The following ACTG1 variants were observed in gnomAD, a reference collection of about 807,000 sequenced individuals.
The protein encoded by ACTG1 is actin, cytoplasmic 2.
ACTG1 carries 14 observed loss-of-function variants against 34.3 expected under a neutral mutation model. The observed-to-expected ratio is 0.41, with a 90% CI of 0.27 to 0.64. The LOEUF is 0.64. ACTG1 is among the 30% of genes least tolerant of loss of function. The pLI is 0.33. For synonymous variants in ACTG1, 422 were observed against 213.9 expected (o/e 1.97, Z -8.49); for missense variants, 233 against 529.5 (o/e 0.44, Z 5.50).
Position 81,512,719 on chromosome 17 carries a change from G to T in ACTG1, c.-7+15C>A, listed in dbSNP as rs1317902785. 4.9e-6 allele frequency: 2 copies of T among 408,432 alleles called. No individual in the cohort carries two copies. The highest frequency in any genetic ancestry group is 9.4e-6 in the Non-Finnish European group (2 of 212,794). 25.3% of individuals were successfully genotyped at this position (408,432 alleles called of 1,614,324 possible). On this transcript the variant is annotated intron_variant, in intron 1 of 5. Transcript: ENST00000573283. ...CCTGCGACGTCCAGCTCAGGCCCCG[G>T]GGCGGGGCGCTCACCGGCAGAGAAA...
chr17:81,512,180 G>C, intron 2 of ACTG1, 38 bp from the exon 3 acceptor site: 2 of 1,613,228 alleles, frequency 1.2e-6, no homozygotes, highest in South Asian at 2.2e-5. Context: ...CGGCGACACC[G>C]AACCCACCCC....
rs71373079 is a variant in ACTG1, at chr17:81,512,583, C to G, written c.-7+151G>C. ...GGGCCCCGCCCTGGACCCCCGGCGC[C>G]CCCCCAGCCCCGTCCGCCTGACCCG... On this transcript the variant is annotated intron_variant, in intron 1 of 5. Transcript: ENST00000573283. 51,287 of 678,852 alleles carry G rather than the reference C, an allele frequency of 0.076. 2,301 individuals are homozygous for G. The highest frequency in any genetic ancestry group is 0.14 in the Middle Eastern group (334 of 2,344). The allele number at this position is 678,852 out of a possible 1,614,324, so 42.1% of individuals were successfully genotyped here. A position where few individuals can be genotyped will look rare whatever the true frequency, so the allele number is the denominator to read the frequency against.
chr17:81,510,603 C>A lies in ACTG1; in HGVS notation c.*87G>T. The A allele has an allele frequency of 6.5e-7, 1 of 1,544,874 alleles. No homozygotes were observed. Among genetic ancestry groups the A allele is most frequent in the African/African-American group, 1.4e-5 (1 of 73,534 alleles). On this transcript the variant is annotated 3_prime_UTR_variant, in exon 6 of 6. Coordinates refer to ENST00000573283, the MANE Select transcript of ACTG1 (RefSeq NM_001614.5). ...GAAGGCTTATTCCAGTTTCGTGAGG[C>A]TAGCATGAGGTGTGTGCATTTGCCA...
rs1555666555 is a variant in ACTG1, at chr17:81,511,133, T to C, written c.803-25A>G. 19 of 1,613,724 alleles carry C rather than the reference T, an allele frequency of 1.2e-5. No individual in the cohort carries two copies. In the East Asian group the frequency reaches 3.8e-4, roughly 32 times the overall value. The stretch of plus-strand genomic sequence containing the variant: ...CCTAGGGGACAGAGCCCTCCCTTAG[T>C]GATGCTGTGTCACCGAGGATGTAAG... On this transcript the variant is annotated intron_variant, in intron 4 of 5. Transcript: ENST00000573283.
Position 81,511,198 on chromosome 17 carries a change from A to T in ACTG1, c.792T>A (p.Pro264=). 1 of 1,613,736 alleles carries T rather than the reference A, an allele frequency of 6.2e-7. No homozygotes were observed. Residue 264 remains proline (P), a synonymous_variant, in exon 4 of 6, where the codon CCT becomes CCA. Transcript: ENST00000573283. Reference sequence around the variant, plus strand: ...GCTCACAACACCTACCCAGGAAGGAAGGCTGGAACAGCGCCTCCGGACACC... The same window carrying T: ...GCTCACAACACCTACCCAGGAAGGATGGCTGGAACAGCGCCTCCGGACACC... ...RFRCPEALFQ[P]SFLGMESCGI...
intron 1 of ACTG1, 69 bp from the exon 2 acceptor site, chr17:81,512,429 G>A (rs1458533024): frequency 7.4e-6 from 12 of 1,612,114 alleles, no homozygotes; most frequent in African/African-American, 2.7e-5. Flanking sequence ...GCCACCTAAT[G>A]CCCTCCCGCG....
chr17:81,510,119 A>G lies in ACTG1; in HGVS notation c.*571T>C. 1 of 465,916 alleles carries G rather than the reference A, an allele frequency of 2.1e-6. No homozygotes were observed. The highest frequency in any genetic ancestry group is 4.2e-6 in the Non-Finnish European group (1 of 237,350). 28.9% of individuals were successfully genotyped at this position (465,916 alleles called of 1,614,324 possible). A position where few individuals can be genotyped will look rare whatever the true frequency, so the allele number is the denominator to read the frequency against. On this transcript the variant is annotated 3_prime_UTR_variant, in exon 6 of 6. Coordinates refer to ENST00000573283, the MANE Select transcript of ACTG1 (RefSeq NM_001614.5). ...CAAAAAAAACCTTACATAAATTAAG[A>G]ATGAATACATTTACAGGCGTAAATG...
chr17:81,511,109 C>G lies in ACTG1; in HGVS notation c.803-1G>C. 1 of 1,613,958 alleles carries G rather than the reference C, an allele frequency of 6.2e-7. No individual in the cohort carries two copies. The highest frequency in any genetic ancestry group is 8.5e-7 in the Non-Finnish European group (1 of 1,180,036). ...TCGTGGATGCCGCAAGATTCCATACCTAGGGGACAGAGCCCTCCCTTAGTG... is the reference window on the plus strand; with the variant it reads ...TCGTGGATGCCGCAAGATTCCATACGTAGGGGACAGAGCCCTCCCTTAGTG... On this transcript the variant is annotated splice_acceptor_variant, in intron 4 of 5. Transcript: ENST00000573283. LOFTEE classifies it high-confidence loss of function.
chr17:81,511,148 G>A lies in ACTG1; in HGVS notation c.802+40C>T, dbSNP rs782551540. The A allele has an allele frequency of 3.2e-5, 51 of 1,613,784 alleles. No homozygotes were observed. In the East Asian group the frequency reaches 4.0e-4, roughly 13 times the overall value. On this transcript the variant is annotated intron_variant, in intron 4 of 5. Coordinates refer to ENST00000573283, the MANE Select transcript of ACTG1 (RefSeq NM_001614.5). ...CCTCCCTTAGTGATGCTGTGTCACC[G>A]AGGATGTAAGAGTAGAAACCTTTAG...
rs537753641 is a variant in ACTG1 at position 81,511,501 on chromosome 17, C to T, written c.489G>A (p.Val163=). ...GGAGGGCGTAGCCCTCGTAGATGGG[C>T]ACCGTGTGGGTGACCCCGTCTCCAG... The part of the protein sequence containing the change: ...MDSGDGVTHT[V]PIYEGYALPH... Residue 163 remains valine (V), a synonymous_variant, in exon 4 of 6, where the codon GTG becomes GTA. Coordinates refer to ENST00000573283, the MANE Select transcript of ACTG1 (RefSeq NM_001614.5). 6.2e-6 allele frequency: 10 copies of T among 1,613,888 alleles called. No homozygotes were observed. The highest frequency in any genetic ancestry group is 5.9e-6 in the Non-Finnish European group (7 of 1,180,042).
chr17:81,511,189 C>A lies in ACTG1; in HGVS notation c.801G>T (p.Leu267=), dbSNP rs1365979404. 1 of 1,613,584 alleles carries A rather than the reference C, an allele frequency of 6.2e-7. No individual in the cohort carries two copies. Among genetic ancestry groups the A allele is most frequent in the Non-Finnish European group, 8.5e-7 (1 of 1,180,046 alleles). ...CPEALFQPSF[L]GMESCGIHET... is the part of the protein sequence containing the mutation. ...AAACCTTTAGCTCACAACACCTACC[C>A]AGGAAGGAAGGCTGGAACAGCGCCT... The change falls in exon 4 of 6, where the codon CTG becomes CTT. Residue 267 remains leucine (L), a splice_region_variant and synonymous_variant. Transcript: ENST00000573283.
intron 3 of ACTG1, 78 bp from the exon 4 acceptor site, chr17:81,511,704 C>CAT (rs2031792561): frequency 1.3e-6 from 2 of 1,534,312 alleles, no homozygotes; most frequent in Non-Finnish European, 1.8e-6. Flanking sequence ...CAACATGCTG[C>CAT]ATGCCAGTGT....
At position 81,512,077 on chromosome 17, in the gene ACTG1, G is replaced by C; in HGVS notation, c.189C>G (p.Gly63=). The C allele has an allele frequency of 3.7e-6, 6 of 1,613,966 alleles. No homozygotes were observed. The highest frequency in any genetic ancestry group is 5.1e-6 in the Non-Finnish European group (6 of 1,180,040). ...CAATGGGGTACTTCAGGGTCAGGAT[G>C]CCACGCTTGCTCTGGGCCTCGTCGC... ...YVGDEAQSKR[G]ILTLKYPIEH... The change falls in exon 3 of 6, where the codon GGC becomes GGG. Residue 63 remains glycine, a synonymous_variant. Transcript: ENST00000573283.
rs782549602 is a variant in ACTG1, at chr17:81,511,956, G to A, written c.310C>T (p.Leu104=). The A allele has an allele frequency of 8.1e-6, 13 of 1,613,992 alleles. No homozygotes were observed. In the South Asian group the frequency reaches 9.9e-5, roughly 12 times the overall value. Residue 104 remains leucine (L), a synonymous_variant, in exon 3 of 6, where the codon CTG becomes TTG. Transcript: ENST00000573283. Reference sequence around the variant, plus strand: ...GGGTTCAGGGGGGCCTCGGTCAGCAGCACTGGGTGCTCCTCCGGGGCCACG... The same window carrying A: ...GGGTTCAGGGGGGCCTCGGTCAGCAACACTGGGTGCTCCTCCGGGGCCACG... ...LRVAPEEHPV[L]LTEAPLNPKA...
chr17:81,511,223 CG>C lies in ACTG1; in HGVS notation c.766del (p.Arg256GlyfsTer28). The C allele has an allele frequency of 6.2e-7, 1 of 1,613,728 alleles. No homozygotes were observed. The highest frequency in any genetic ancestry group is 8.5e-7 in the Non-Finnish European group (1 of 1,180,034). On this transcript the variant is annotated frameshift_variant, in exon 4 of 6. Coordinates refer to ENST00000573283, the MANE Select transcript of ACTG1 (RefSeq NM_001614.5). LOFTEE classifies it high-confidence loss of function. The part of the protein sequence containing the change: ...QVITIGNERF[R>X]CPEALFQPSF... Reference sequence around the variant, plus strand: ...AGGCTGGAACAGCGCCTCCGGACACCGGAACCGCTCATTGCCAATGGTGATG... The same window carrying C: ...AGGCTGGAACAGCGCCTCCGGACACCGAACCGCTCATTGCCAATGGTGATG...
In ACTG1 at chr17:81,510,054, A is replaced by G. The variant is rs1555665993; in HGVS notation, c.*636T>C. 1 of 452,040 alleles carries G rather than the reference A, an allele frequency of 2.2e-6. No individual in the cohort carries two copies. Among genetic ancestry groups the G allele is most frequent in the East Asian group, 7.0e-5 (1 of 14,372 alleles). The allele number at this position is 452,040 out of a possible 1,614,324, so 28.0% of individuals were successfully genotyped here. ...GTTCTCACATAACAGTAGAAAACCAAAATTTGTTGTCATCTCTTCAAAGAA... is the reference window on the plus strand; with the variant it reads ...GTTCTCACATAACAGTAGAAAACCAGAATTTGTTGTCATCTCTTCAAAGAA... On this transcript the variant is annotated 3_prime_UTR_variant, in exon 6 of 6. Coordinates refer to ENST00000573283, the MANE Select transcript of ACTG1 (RefSeq NM_001614.5).
rs138240892 is a variant in ACTG1 at position 81,512,074 on chromosome 17, G to A, written c.192C>T (p.Ile64=). The A allele has an allele frequency of 1.9e-6, 3 of 1,613,852 alleles. No homozygotes were observed. The highest frequency in any genetic ancestry group is 2.7e-5 in the African/African-American group (2 of 74,938). The part of the protein sequence containing the change: ...VGDEAQSKRG[I]LTLKYPIEHG... The stretch of plus-strand genomic sequence containing the variant: ...GCTCAATGGGGTACTTCAGGGTCAG[G>A]ATGCCACGCTTGCTCTGGGCCTCGT... The change falls in exon 3 of 6, where the codon ATC becomes ATT. Residue 64 remains isoleucine (I), a synonymous_variant. Transcript: ENST00000573283.
chr17:81,511,631 G>C lies in ACTG1; in HGVS notation c.364-5C>G, dbSNP rs540864725. ...GTTGAAGGTCTCAAACATAATCTGA[G>C]AAGGGACAAGGGGCGGCTTAGTCAG... On this transcript the variant is annotated splice_region_variant and splice_polypyrimidine_tract_variant and intron_variant, in intron 3 of 5. Transcript: ENST00000573283. The C allele has an allele frequency of 1.9e-6, 3 of 1,612,636 alleles. No individual in the cohort carries two copies. Among genetic ancestry groups the C allele is most frequent in the Middle Eastern group, 1.7e-4 (1 of 6,056 alleles).
Position 81,510,256 on chromosome 17 carries a change from C to G in ACTG1, c.*434G>C, listed in dbSNP as rs782538207. ...TTGGACTTTCCAACCCTGACAGACC[C>G]GCAAGACAAAACAACTGGTTCTTGC... On this transcript the variant is annotated 3_prime_UTR_variant, in exon 6 of 6. Coordinates refer to ENST00000573283, the MANE Select transcript of ACTG1 (RefSeq NM_001614.5). 1.1e-5 allele frequency: 6 copies of G among 547,174 alleles called. No individual in the cohort carries two copies. Among genetic ancestry groups the G allele is most frequent in the Non-Finnish European group, 1.9e-5 (6 of 320,276 alleles). The allele number at this position is 547,174 out of a possible 1,614,324, so 33.9% of individuals were successfully genotyped here.
Sources: allele counts gnomAD v4.1 joint callset, GRCh38; gene constraint gnomAD v4.1.1; transcripts MANE v1.5; gene names NCBI Gene and HGNC (gene_info 2026-07-23, HGNC 2026-07-21).